Variants in PPP1R42 observed in about 807,000 individuals in gnomAD.
PPP1R42 encodes leucine rich repeat containing 67.
Under a neutral mutation model 31.0 loss-of-function variants are expected in PPP1R42, and 34 were observed. The ratio of observed to expected loss-of-function variants is 1.10; its 90% CI spans 0.83 to 1.46. The LOEUF (loss-of-function observed/expected upper bound fraction) is 1.46. Among genes scored for constraint, PPP1R42 ranks in the 40% most tolerant of loss-of-function variants. PPP1R42 has a pLI of 0.00. For missense variants in PPP1R42, 268 were observed against 303.0 expected (o/e 0.88, Z 0.86); for synonymous variants, 103 against 109.8 (o/e 0.94, Z 0.39).
At chr8:66,987,479 A>C (rs985209031) in intron 6 of PPP1R42, among the ~76,000 whole-genome samples, 3 of 151,890 alleles carry the variant, frequency 2.0e-5, no homozygotes, top group Non-Finnish European at 4.4e-5. Flanking sequence ...TTTAGTAAAG[A>C]TGGGGTTTCA....
At chr8:66,973,648 A>G (rs1814595997) in intron 7 of PPP1R42, among the ~76,000 whole-genome samples, 1 of 151,822 alleles carries the variant, frequency 6.6e-6, no homozygotes, top group Admixed American at 6.6e-5. Context: ...ACAATACATT[A>G]TTTTTTTTAC....
intron 7 of PPP1R42, chr8:66,970,863 G>T: frequency 1.2e-6 from 1 of 818,640 alleles, no homozygotes; most frequent in Non-Finnish European, 2.0e-6. Flanking sequence ...GGCCAAAAAG[G>T]ATTGAGAACA....
At chr8:67,026,563 T>TCAA (rs1168999664) in intron 1 of PPP1R42, among the ~76,000 whole-genome samples, 4 of 151,876 alleles carry the variant, frequency 2.6e-5, no homozygotes, top group Non-Finnish European at 5.9e-5. Flanking sequence ...AGGCAGGGTG[T>TCAA]GTTGGCTCAC....
chr8:67,024,071 G>A (rs942527898), intron 1 of PPP1R42, among the ~76,000 whole-genome samples: 3 of 151,806 alleles, frequency 2.0e-5, no homozygotes, highest in South Asian at 2.1e-4. Flanking sequence ...ACTTGAACCC[G>A]TTAGGAGGAG....
In PPP1R42 at chr8:66,964,308, C is replaced by A. The variant is rs1263300943; in HGVS notation, c.*13G>T. ...ATGCACATCATTTTTTGTCAGCAAG[C>A]TTTCAGATTGCTTCAAAGAGAGATT... On this transcript the variant is annotated 3_prime_UTR_variant, in exon 8 of 8. Transcript: ENST00000685739. 3.1e-6 allele frequency: 4 copies of A among 1,278,868 alleles called. No homozygotes were observed. Among genetic ancestry groups the A allele is most frequent in the Non-Finnish European group, 3.0e-6 (3 of 985,598 alleles). 79.2% of individuals were successfully genotyped at this position (1,278,868 alleles called of 1,614,324 possible). A position where few individuals can be genotyped will look rare whatever the true frequency, so the allele number is the denominator to read the frequency against.
At chr8:66,982,012 A>G (rs1374023354) in intron 7 of PPP1R42, 37 bp downstream of exon 7, 1 of 1,311,796 alleles carries the variant, frequency 7.6e-7, no homozygotes, top group African/African-American at 1.5e-5. Context: ...TTCCTTTGCT[A>G]GAAGAGCAGT....
chr8:66,966,524 G>A (rs944149822), intron 7 of PPP1R42, among the ~76,000 whole-genome samples: 2 of 152,124 alleles, frequency 1.3e-5, no homozygotes, highest in East Asian at 1.9e-4. Context: ...GGTGGTTCAC[G>A]CCTGTAATCC....
chr8:67,028,084 C>T (rs1282479432), intron 1 of PPP1R42, among the ~76,000 whole-genome samples: 1 of 152,206 alleles, frequency 6.6e-6, no homozygotes, highest in South Asian at 2.1e-4. Context: ...AGACTAGAGG[C>T]AGTGGACAAC....
At chr8:66,993,567 A>G (rs1171011528) in intron 5 of PPP1R42, among the ~76,000 whole-genome samples, 1 of 152,202 alleles carries the variant, frequency 6.6e-6, no homozygotes, top group East Asian at 1.9e-4. Context: ...GAGCTCAGCT[A>G]TCCCTTTCTT....
At chr8:66,984,347 C>G (rs1814937851) in intron 6 of PPP1R42, 4 of 1,278,762 alleles carry the variant, frequency 3.1e-6, no homozygotes, top group Non-Finnish European at 4.6e-6. Flanking sequence ...TGATCATCTC[C>G]CTTTGTGTTA....
At chr8:66,985,501 G>A (rs1814981469) in intron 6 of PPP1R42, 1 of 1,148,398 alleles carries the variant, frequency 8.7e-7, no homozygotes, top group Admixed American at 1.7e-5. Context: ...CTCCCCCTTT[G>A]GGGAAGCAAT....
At chr8:67,016,902 A>G (rs1167090178) in intron 2 of PPP1R42, among the ~76,000 whole-genome samples, 1 of 152,194 alleles carries the variant, frequency 6.6e-6, no homozygotes, top group Non-Finnish European at 1.5e-5. Flanking sequence ...CGGTACTCAC[A>G]TACTTACTTC....
intron 6 of PPP1R42, among the ~76,000 whole-genome samples, chr8:66,983,316 C>T (rs1814904022): frequency 6.6e-6 from 1 of 151,672 alleles, no homozygotes; most frequent in Non-Finnish European, 1.5e-5. Flanking sequence ...CTTATGTTTC[C>T]TTAATGGCTG....
At chr8:67,025,304 G>A (rs1389910642) in intron 1 of PPP1R42, among the ~76,000 whole-genome samples, 2 of 149,568 alleles carry the variant, frequency 1.3e-5, no homozygotes, top group African/African-American at 2.5e-5. Flanking sequence ...TACAGACAGG[G>A]TCTCATTATG....
intron 6 of PPP1R42, chr8:66,985,991 G>C (rs955459241): frequency 1.3e-6 from 1 of 744,030 alleles, no homozygotes; most frequent in African/African-American, 1.7e-5. Context: ...TGCTAGACTT[G>C]GAATGCCTAG....
intron 5 of PPP1R42, among the ~76,000 whole-genome samples, chr8:67,007,559 G>T (rs1815723701): frequency 6.6e-6 from 1 of 152,064 alleles, no homozygotes; most frequent in Non-Finnish European, 1.5e-5. Context: ...GTCAGCCAGG[G>T]TGATCTTGAA....
At chr8:66,999,660 A>AT (rs1167398080) in intron 5 of PPP1R42, among the ~76,000 whole-genome samples, 1 of 152,010 alleles carries the variant, frequency 6.6e-6, no homozygotes, top group East Asian at 1.9e-4. Context: ...TTGCTTTTCT[A>AT]TTTTCTGAAA....
intron 1 of PPP1R42, among the ~76,000 whole-genome samples, chr8:67,024,591 C>T (rs1816334100): frequency 6.6e-6 from 1 of 151,686 alleles, no homozygotes; most frequent in Admixed American, 6.6e-5. Context: ...TCTCCTGCCT[C>T]AGCCTCCTGA....
At chr8:67,014,058 C>T (rs1239597977) in intron 3 of PPP1R42, among the ~76,000 whole-genome samples, 2 of 152,136 alleles carry the variant, frequency 1.3e-5, no homozygotes, top group South Asian at 2.1e-4. Context: ...ATCTGGGTTC[C>T]GTGGAAACTT....
Sources: gnomAD v4.1 joint callset for allele counts (sites outside exome capture counted in the v4.1 genomes callset) on GRCh38, gnomAD v4.1.1 for gene constraint, MANE v1.5 for transcripts, NCBI Gene and HGNC (gene_info 2026-07-23, HGNC 2026-07-21) for gene names.